The following ZNF121 variants were observed in gnomAD, a reference collection of about 807,000 sequenced individuals.
ZNF121 encodes the protein zinc finger protein 121.
In ZNF121, 1 loss-of-function variant was observed where a neutral mutation model predicts 2.4. The ratio of observed to expected loss-of-function variants is 0.41; its 90% confidence interval spans 0.15 to 1.94. The LOEUF (loss-of-function observed/expected upper bound fraction) is 1.94, where lower values mean the gene tolerates loss of function less well. ZNF121 is among the 30% of genes most tolerant of loss of function. The probability of loss-of-function intolerance (pLI) is 0.30; values close to 1 mark genes in which losing one functional copy is unlikely to be tolerated. For missense variants in ZNF121, 369 were observed against 466.3 expected (o/e 0.79, Z 1.92); for synonymous variants, 173 against 158.6 (o/e 1.09, Z -0.68).
chr19:9,569,728 T>C (rs1040457199), intron 1 of ZNF121, among the ~76,000 whole-genome samples: 1 of 151,778 alleles, frequency 6.6e-6, no homozygotes, highest in South Asian at 2.1e-4. Context: ...AGACAGGGTT[T>C]CACCACATTG....
At chr19:9,583,952 C>T (rs540141668) in intron 1 of ZNF121, among the ~76,000 whole-genome samples, 2 of 152,050 alleles carry the variant, frequency 1.3e-5, no homozygotes, top group South Asian at 4.2e-4. Context: ...TATTTTTTTT[C>T]CATCAGAAAG....
In ZNF121 at chr19:9,566,335, C is replaced by T. The variant is rs1416117466; in HGVS notation, c.778G>A (p.Val260Ile). Residue 260 changes from valine (V) to isoleucine (I), a missense_variant, in exon 4 of 4, where the codon GTA becomes ATA. Transcript: ENST00000320451. ...GAGCTTCTGAAGGATTTTCCACATA[C>T]CTTACATTCAAAGGGCTTCTCCTCT... ...HTEEKPFECK[V>I]CGKSFRSSSC... 2 of 1,613,972 alleles carry T rather than the reference C, an allele frequency of 1.2e-6. No individual in the cohort carries two copies. Among genetic ancestry groups the T allele is most frequent in the Admixed American group, 1.7e-5 (1 of 60,002 alleles).
intron 1 of ZNF121, among the ~76,000 whole-genome samples, chr19:9,581,893 C>T (rs892403108): frequency 2.6e-5 from 4 of 151,958 alleles, no homozygotes; most frequent in Admixed American, 6.6e-5. Context: ...TTTTTTTAGG[C>T]GATGCATTAC....
At chr19:9,579,693 G>C (rs547653566) in intron 1 of ZNF121, among the ~76,000 whole-genome samples, 1 of 152,176 alleles carries the variant, frequency 6.6e-6, no homozygotes, top group Admixed American at 6.5e-5. Flanking sequence ...TTGATTCATG[G>C]GTAAAATACA....
At position 9,562,407 on chromosome 19, in the gene ZNF121, A is replaced by G; in HGVS notation, c.*3533T>C. 3.4e-6 allele frequency: 1 copy of G among 291,358 alleles called. No homozygotes were observed. The highest frequency in any genetic ancestry group is 7.7e-6 in the Non-Finnish European group (1 of 130,382). 18.0% of individuals were successfully genotyped at this position (291,358 alleles called of 1,614,324 possible). On this transcript the variant is annotated 3_prime_UTR_variant, in exon 4 of 4. Coordinates refer to ENST00000320451, the MANE Select transcript of ZNF121 (RefSeq NM_001008727.5). ...TCTCGAACTCCTGACCTCATGATTC[A>G]CTCACCTCAGCCTCTCAAGGTGCTG... is the stretch of plus-strand genomic sequence containing the variant.
intron 1 of ZNF121, among the ~76,000 whole-genome samples, chr19:9,577,148 A>C (rs1486216634): frequency 6.6e-6 from 1 of 152,248 alleles, no homozygotes; most frequent in African/African-American, 2.4e-5. Flanking sequence ...CAACAGCAAC[A>C]AAACTACAGG....
intron 3 of ZNF121, 127 bp from the exon 4 acceptor site, chr19:9,567,236 C>T: frequency 3.9e-6 from 3 of 762,150 alleles, no homozygotes; most frequent in Non-Finnish European, 6.1e-6. Flanking sequence ...CATACAGTTG[C>T]TGCCCCATGT....
chr19:9,577,930 C>T (rs1461110564), intron 1 of ZNF121, among the ~76,000 whole-genome samples: 8 of 151,844 alleles, frequency 5.3e-5, no homozygotes, highest in Admixed American at 1.3e-4. Context: ...TGGTGGCTCA[C>T]GCCTGTAATC....
intron 1 of ZNF121, among the ~76,000 whole-genome samples, chr19:9,581,065 A>C (rs2074245384): frequency 6.6e-6 from 1 of 152,204 alleles, no homozygotes; most frequent in African/African-American, 2.4e-5. Flanking sequence ...AATCGCATGA[A>C]ATAAAGGAAT....
At chr19:9,573,470 G>A (rs1177258271) in intron 1 of ZNF121, among the ~76,000 whole-genome samples, 3 of 152,170 alleles carry the variant, frequency 2.0e-5, no homozygotes, top group Admixed American at 6.5e-5. Context: ...AGAGAAGAAT[G>A]AAAAGGAACT....
Position 9,561,590 on chromosome 19 carries a change from G to C in ZNF121, c.*4350C>G, listed in dbSNP as rs1391136248. On this transcript the variant is annotated 3_prime_UTR_variant, in exon 4 of 4. Coordinates refer to ENST00000320451, the MANE Select transcript of ZNF121 (RefSeq NM_001008727.5). ...AAATGTAGAAGAAACTATGGAATTAGAAAATCACTTTTTGGACTGGGTGTG... is the reference window on the plus strand; with the variant it reads ...AAATGTAGAAGAAACTATGGAATTACAAAATCACTTTTTGGACTGGGTGTG... 1 of 152,152 alleles carries C rather than the reference G, an allele frequency of 6.6e-6. No individual in the cohort carries two copies. The highest frequency in any genetic ancestry group is 1.5e-5 in the Non-Finnish European group (1 of 68,026). The allele number at this position is 152,152 out of a possible 1,614,324, so 9.4% of individuals were successfully genotyped here.
At chr19:9,574,222 T>C (rs1430748996) in intron 1 of ZNF121, among the ~76,000 whole-genome samples, 1 of 152,110 alleles carries the variant, frequency 6.6e-6, no homozygotes, top group Non-Finnish European at 1.5e-5. Context: ...CTCGGCTCAC[T>C]GCAACCTCCG....
At chr19:9,580,297 AAAAAAAG>A (rs1369429957) in intron 1 of ZNF121, among the ~76,000 whole-genome samples, 1 of 151,796 alleles carries the variant, frequency 6.6e-6, no homozygotes, top group African/African-American at 2.4e-5. Flanking sequence ...TCTCAAAAAG[AAAAAAAG>A]AAAAAAAAAA....
Position 9,564,333 on chromosome 19 carries a change from A to AC in ZNF121, c.*1606dup, listed in dbSNP as rs2074116760. 6.6e-6 allele frequency: 1 copy of AC among 152,112 alleles called. No individual in the cohort carries two copies. The highest frequency in any genetic ancestry group is 2.4e-5 in the African/African-American group (1 of 41,422). The allele number at this position is 152,112 out of a possible 1,614,324, so 9.4% of individuals were successfully genotyped here. On this transcript the variant is annotated 3_prime_UTR_variant, in exon 4 of 4. Transcript: ENST00000320451. ...GTGTGCTCTCATCGTGCTGGTGAAT[A>AC]CCCACTTGTACTCCAGCATGAACAA... is the stretch of plus-strand genomic sequence containing the variant.
intron 1 of ZNF121, among the ~76,000 whole-genome samples, chr19:9,575,538 T>C (rs572280771): frequency 6.6e-6 from 1 of 151,950 alleles, no homozygotes; most frequent in East Asian, 1.9e-4. Flanking sequence ...AGGTCAGAAG[T>C]TCAAGACCAG....
intron 1 of ZNF121, among the ~76,000 whole-genome samples, chr19:9,579,595 G>A (rs549500837): frequency 6.6e-6 from 1 of 152,340 alleles, no homozygotes; most frequent in South Asian, 2.1e-4. Context: ...TTGAACCCAG[G>A]AGGTGGAGGT....
chr19:9,570,204 C>T (rs1376854968), intron 1 of ZNF121, among the ~76,000 whole-genome samples: 2 of 152,016 alleles, frequency 1.3e-5, no homozygotes, highest in Non-Finnish European at 2.9e-5. Flanking sequence ...AGATTCCATC[C>T]AAAAACAAAA....
intron 1 of ZNF121, among the ~76,000 whole-genome samples, chr19:9,577,936 TA>T (rs1369045420): frequency 1.3e-5 from 2 of 150,856 alleles, no homozygotes; most frequent in Non-Finnish European, 2.9e-5. Flanking sequence ...CTCACGCCTG[TA>T]ATCCCAGCAC....
rs935254223 is a variant in ZNF121 at position 9,569,655 on chromosome 19, G to A, written c.-159-573C>T. ...CAAGTGATTCTCCTGCCTCAGCCTC[G>A]TGAGCAGCTGGGGTTACAGGCACCC... is the stretch of plus-strand genomic sequence containing the variant. On this transcript the variant is annotated intron_variant, in intron 1 of 3. Transcript: ENST00000320451. Among the ~76,000 whole-genome samples the A allele has an allele frequency of 1.0e-4, 15 of 150,266 alleles. No individual in the cohort carries two copies. In the South Asian group the frequency reaches 1.3e-3, roughly 13 times the overall value.
Sources: gnomAD v4.1 joint callset for allele counts (sites outside exome capture counted in the v4.1 genomes callset) on GRCh38, gnomAD v4.1.1 for gene constraint, MANE v1.5 for transcripts, NCBI Gene and HGNC (gene_info 2026-07-23, HGNC 2026-07-21) for gene names.